The following SLC38A6 variants were observed in gnomAD, a reference collection of about 807,000 sequenced individuals.
The protein encoded by SLC38A6 is solute carrier family 38 member 6, also known as N system amino acid transporter NAT-1.
SLC38A6 carries 73 observed loss-of-function variants against 65.0 expected under a neutral mutation model. The observed-to-expected ratio is 1.12, with a 90% confidence interval of 0.93 to 1.37. The LOEUF is 1.37. Among genes scored for constraint, SLC38A6 ranks in the 40% most tolerant of loss-of-function variants. The pLI, the probability that SLC38A6 is intolerant of heterozygous loss-of-function variation, is 0.00. For missense variants in SLC38A6, 561 were observed against 531.1 expected, an observed-to-expected ratio of 1.06 and a Z score of -0.55; for synonymous variants, 183 against 178.8, an observed-to-expected ratio of 1.02 and a Z score of -0.19.
intron 3 of SLC38A6, among the ~76,000 whole-genome samples, chr14:61,014,630 G>A (rs1194499693): frequency 1.3e-5 from 2 of 152,170 alleles, no homozygotes; most frequent in African/African-American, 2.4e-5. Flanking sequence ...CAGGTCTGTT[G>A]GAGTTTACTG....
intron 4 of SLC38A6, among the ~76,000 whole-genome samples, chr14:61,019,329 C>A (rs1305605565): frequency 2.0e-5 from 3 of 152,098 alleles, no homozygotes; most frequent in Admixed American, 6.5e-5. Flanking sequence ...TCAAAAACTT[C>A]TTTATAGTAA....
chr14:60,992,673 T>C (rs981933644), intron 3 of SLC38A6, among the ~76,000 whole-genome samples: 1 of 152,008 alleles, frequency 6.6e-6, no homozygotes, highest in Non-Finnish European at 1.5e-5. Context: ...TCTGTTATAT[T>C]TTTTTTCTTT....
chr14:61,075,972 C>G (rs1031853014), intron 15 of SLC38A6, among the ~76,000 whole-genome samples: 2 of 152,158 alleles, frequency 1.3e-5, no homozygotes, highest in Non-Finnish European at 2.9e-5. Flanking sequence ...TCTCCTGCCT[C>G]AGCCTCCCAA....
At chr14:61,006,135 C>G (rs2039096537) in intron 3 of SLC38A6, among the ~76,000 whole-genome samples, 1 of 152,102 alleles carries the variant, frequency 6.6e-6, no homozygotes, top group Non-Finnish European at 1.5e-5. Flanking sequence ...ATGTAGAAAG[C>G]TGAAACTGGA....
intron 16 of SLC38A6, among the ~76,000 whole-genome samples, chr14:61,082,244 C>T (rs1377435478): frequency 7.9e-5 from 12 of 152,292 alleles, no homozygotes; most frequent in Non-Finnish European, 1.2e-4. Context: ...TTCTGTCATA[C>T]GGCTGAAATC....
At chr14:61,052,770 G>C (rs552670595), downstream of SLC38A6, 20 of 159,094 alleles carry the variant, frequency 1.3e-4, no homozygotes, top group Non-Finnish European at 2.6e-4. Flanking sequence ...TAACTCTTGC[G>C]TTCATGTGGT....
chr14:60,984,771 T>A lies in SLC38A6; in HGVS notation c.278T>A (p.Val93Asp), dbSNP rs199527188. ...LTVALLASYS[V>D]HLLLSMCIQT... Reference sequence around the variant, plus strand: ...GTTGCTCTCCTGGCTTCTTACTCAGTCCATCTTCTGCTTAGTATGTGTATT... The same window carrying A: ...GTTGCTCTCCTGGCTTCTTACTCAGACCATCTTCTGCTTAGTATGTGTATT... Residue 93 changes from valine (V) to aspartate (D), a missense_variant, in exon 3 of 16, where the codon GTC becomes GAC. Transcript: ENST00000267488. 1 of 1,613,954 alleles carries A rather than the reference T, an allele frequency of 6.2e-7. No homozygotes were observed. The highest frequency in any genetic ancestry group is 2.2e-5 in the East Asian group (1 of 44,850).
At chr14:61,009,858 T>G (rs2039424569) in intron 3 of SLC38A6, among the ~76,000 whole-genome samples, 1 of 152,226 alleles carries the variant, frequency 6.6e-6, no homozygotes, top group South Asian at 2.1e-4. Context: ...GCCTTTGTCT[T>G]TATAGAAGCA....
At chr14:61,053,566 A>G (rs1309428039), downstream of SLC38A6, among the ~76,000 whole-genome samples, 2 of 152,020 alleles carry the variant, frequency 1.3e-5, no homozygotes, top group African/African-American at 2.4e-5. Context: ...TTGACTTTTT[A>G]TTAATAGCCA....
At chr14:60,987,129 C>T (rs1293401929) in intron 3 of SLC38A6, 4 of 333,004 alleles carry the variant, frequency 1.2e-5, no homozygotes, top group Non-Finnish European at 1.7e-5. Flanking sequence ...GATTGAATTC[C>T]TTCAATCTTT....
intron 15 of SLC38A6, chr14:61,073,709 T>C (rs1462026654): frequency 6.6e-6 from 1 of 152,158 alleles, no homozygotes; most frequent in African/African-American, 2.4e-5. Flanking sequence ...ACTTAGCATT[T>C]GGTCGTATTT....
Position 60,981,402 on chromosome 14 carries a change from T to C in SLC38A6, c.105+20T>C. 1.1e-5 allele frequency: 18 copies of C among 1,569,558 alleles called. No homozygotes were observed. The highest frequency in any genetic ancestry group is 1.5e-5 in the Non-Finnish European group (17 of 1,157,130). On this transcript the variant is annotated intron_variant, in intron 1 of 15. Coordinates refer to ENST00000267488, the MANE Select transcript of SLC38A6 (RefSeq NM_153811.3). ...AGCAACGTAAGTGGGCTGTGTTCGC[T>C]TCCCCGCGCTGACGCCCTCCGGCTT...
intron 3 of SLC38A6, among the ~76,000 whole-genome samples, chr14:61,012,175 G>A (rs1449818275): frequency 6.6e-6 from 1 of 152,198 alleles, no homozygotes; most frequent in Non-Finnish European, 1.5e-5. Flanking sequence ...TTGCATAGAG[G>A]TGTTTATAGT....
At chr14:61,082,386 T>A (rs1168236307) in intron 16 of SLC38A6, among the ~76,000 whole-genome samples, 4 of 152,144 alleles carry the variant, frequency 2.6e-5, no homozygotes, top group Non-Finnish European at 5.9e-5. Flanking sequence ...CCATGATGGG[T>A]CTCTGCAAAT....
chr14:60,989,497 G>C (rs992591530), intron 3 of SLC38A6, among the ~76,000 whole-genome samples: 1 of 152,154 alleles, frequency 6.6e-6, no homozygotes, highest in Middle Eastern at 3.2e-3. Flanking sequence ...GCAGACCCAG[G>C]AGGATCACTT....
At chr14:60,997,385 C>T (rs1457752939) in intron 3 of SLC38A6, among the ~76,000 whole-genome samples, 7 of 152,112 alleles carry the variant, frequency 4.6e-5, no homozygotes, top group Admixed American at 3.9e-4. Context: ...CTCCTAAGCT[C>T]CAGCGATTTG....
intron 15 of SLC38A6, chr14:61,074,000 A>T (rs2043314889): frequency 6.6e-6 from 1 of 152,182 alleles, no homozygotes; most frequent in Admixed American, 6.5e-5. Flanking sequence ...TCTCTAGCTT[A>T]CTTTATTGTA....
chr14:61,029,418 C>T (rs1245309637), intron 5 of SLC38A6, among the ~76,000 whole-genome samples: 2 of 152,034 alleles, frequency 1.3e-5, no homozygotes, highest in South Asian at 2.1e-4. Flanking sequence ...GCCTCCCAAA[C>T]ACTCTTTGTT....
chr14:60,994,417 T>A (rs1490188685), intron 3 of SLC38A6, among the ~76,000 whole-genome samples: 1 of 151,958 alleles, frequency 6.6e-6, no homozygotes, highest in East Asian at 1.9e-4. Flanking sequence ...TGGTGCTGCA[T>A]GCCTGTAATC....
Sources: gnomAD v4.1 joint callset for allele counts (sites outside exome capture counted in the v4.1 genomes callset) on GRCh38, gnomAD v4.1.1 for gene constraint, MANE v1.5 for transcripts, NCBI Gene and HGNC (gene_info 2026-07-23, HGNC 2026-07-21) for gene names.